SIRT5: variants seen among roughly 807,000 people sequenced by gnomAD.
SIRT5 encodes sirtuin 5, also known as NAD-dependent protein deacylase sirtuin-5, mitochondrial.
SIRT5 carries 26 observed loss-of-function variants against 40.0 expected under a neutral mutation model. That is an observed-to-expected ratio of 0.65 (90% confidence interval 0.48 to 0.90). The LOEUF is 0.90. SIRT5 is among the 40% of genes least tolerant of loss of function. SIRT5 has a pLI of 0.00. For synonymous variants in SIRT5, 146 were observed against 149.1 expected (o/e 0.98, Z 0.15); for missense variants, 401 against 402.4 (o/e 1.00, Z 0.03).
In SIRT5 at chr6:13,614,979, C is replaced by A; in HGVS notation, c.*3114C>A. 1 of 212,404 alleles carries A rather than the reference C, an allele frequency of 4.7e-6. No homozygotes were observed. The highest frequency in any genetic ancestry group is 9.3e-6 in the Non-Finnish European group (1 of 106,986). The allele number at this position is 212,404 out of a possible 1,614,324, so 13.2% of individuals were successfully genotyped here. A position where few individuals can be genotyped will look rare whatever the true frequency, so the allele number is the denominator to read the frequency against. ...CTCGACGGAACCCAGGGCCAAAAAA[C>A]GGCGGCGAGCAGCGCCTCGGGCCCG... On this transcript the variant is annotated 3_prime_UTR_variant, in exon 10 of 10. Transcript: ENST00000606117.
At chr6:13,605,826 T>C in intron 9 of SIRT5, 1 of 985,488 alleles carries the variant, frequency 1.0e-6, no homozygotes, top group Non-Finnish European at 1.2e-6. Context: ...GGACTGTCGC[T>C]GCAGGGAGCT....
At chr6:13,575,448 G>C (rs1758488121) in intron 1 of SIRT5, among the ~76,000 whole-genome samples, 2 of 152,114 alleles carry the variant, frequency 1.3e-5, no homozygotes, top group South Asian at 4.2e-4. Context: ...TAGCTCTTAG[G>C]CGTTCAAAAA....
rs781683961 is a variant in SIRT5, at chr6:13,611,866, G to A, written c.*1G>A. On this transcript the variant is annotated 3_prime_UTR_variant, in exon 10 of 10. Transcript: ENST00000606117. ...TCATGAAAATGAAACTGTTTCTTAAGTGTCCTGGGGAAGAAAGAAATTACA... is the reference window on the plus strand; with the variant it reads ...TCATGAAAATGAAACTGTTTCTTAAATGTCCTGGGGAAGAAAGAAATTACA... 6.2e-7 allele frequency: 1 copy of A among 1,613,644 alleles called. No homozygotes were observed.
At chr6:13,582,045 A>G (rs1452611702) in intron 2 of SIRT5, among the ~76,000 whole-genome samples, 4 of 152,138 alleles carry the variant, frequency 2.6e-5, no homozygotes, top group Non-Finnish European at 5.9e-5. Context: ...CACAAGCACA[A>G]ATCCTCTAAT....
At chr6:13,578,447 C>T (rs1291310473) in intron 1 of SIRT5, among the ~76,000 whole-genome samples, 4 of 151,630 alleles carry the variant, frequency 2.6e-5, no homozygotes, top group Non-Finnish European at 5.9e-5. Flanking sequence ...GGTGAAACCC[C>T]GTCTCTACTA....
At chr6:13,577,638 GTC>G (rs747891615) in intron 1 of SIRT5, among the ~76,000 whole-genome samples, 8 of 148,086 alleles carry the variant, frequency 5.4e-5, no homozygotes, top group Non-Finnish European at 1.0e-4. Context: ...TATCTTATAT[GTC>G]TCTCTATATT....
At chr6:13,604,360 C>A in intron 9 of SIRT5, 1 of 767,288 alleles carries the variant, frequency 1.3e-6, no homozygotes, top group Admixed American at 2.3e-5. Flanking sequence ...CAGCTCAAGC[C>A]TCCTGTCTGT....
At chr6:13,587,699 C>G (rs1354947191) in intron 3 of SIRT5, among the ~76,000 whole-genome samples, 1 of 152,208 alleles carries the variant, frequency 6.6e-6, no homozygotes, top group Non-Finnish European at 1.5e-5. Flanking sequence ...CTTCAGTTCC[C>G]TTTGCTACCC....
intron 9 of SIRT5, among the ~76,000 whole-genome samples, chr6:13,601,943 T>C (rs1192504932): frequency 1.3e-5 from 2 of 152,196 alleles, no homozygotes; most frequent in East Asian, 3.8e-4. Flanking sequence ...CATGTGTCTT[T>C]TTGATCAGCT....
At chr6:13,582,099 C>T (rs558855187) in intron 2 of SIRT5, among the ~76,000 whole-genome samples, 1 of 152,306 alleles carries the variant, frequency 6.6e-6, no homozygotes, top group East Asian at 1.9e-4. Flanking sequence ...TTCTTCATGG[C>T]GTGTTCTATC....
In SIRT5 at chr6:13,604,478, A is replaced by T. The variant is rs41273886; in HGVS notation, c.857+3529A>T. On this transcript the variant is annotated intron_variant, in intron 9 of 9. Transcript: ENST00000606117. ...CTTCTAATGTGGTTTCTTTTCAGTC[A>T]TTTGATCTCCATCTCATCTCTAATT... The T allele has an allele frequency of 0.018, 27,334 of 1,554,208 alleles. 327 individuals are homozygous for T. The highest frequency in any genetic ancestry group is 0.02 in the Non-Finnish European group (22,264 of 1,128,738).
chr6:13,605,698 C>T (rs1359863202), intron 9 of SIRT5: 1 of 985,426 alleles, frequency 1.0e-6, no homozygotes, highest in African/African-American at 1.7e-5. Context: ...TTCTGATAAA[C>T]CCTGACTATT....
chr6:13,595,711 G>A, intron 6 of SIRT5, 147 bp downstream of exon 6: 1 of 687,496 alleles, frequency 1.5e-6, no homozygotes, highest in Non-Finnish European at 2.5e-6. Context: ...AGTGGCTCAT[G>A]CCTGTAATCC....
intron 9 of SIRT5, among the ~76,000 whole-genome samples, chr6:13,602,048 C>T (rs1762462381): frequency 1.3e-5 from 2 of 152,032 alleles, no homozygotes; most frequent in South Asian, 4.1e-4. Flanking sequence ...CTATGCAAAA[C>T]TTATACTCTG....
In SIRT5 at chr6:13,613,053, A is replaced by C. The variant is rs1351339875; in HGVS notation, c.*1188A>C. ...CAAAGAAGAGACCTGGAGCTAGTGA[A>C]GGAAACATAGGGTTTATTTGGGGAA... On this transcript the variant is annotated 3_prime_UTR_variant, in exon 10 of 10. Coordinates refer to ENST00000606117, the MANE Select transcript of SIRT5 (RefSeq NM_012241.5). 4 of 152,494 alleles carry C rather than the reference A, an allele frequency of 2.6e-5. No individual in the cohort carries two copies. The highest frequency in any genetic ancestry group is 9.6e-5 in the African/African-American group (4 of 41,466). The allele number at this position is 152,494 out of a possible 1,614,324, so 9.4% of individuals were successfully genotyped here. A position where few individuals can be genotyped will look rare whatever the true frequency, so the allele number is the denominator to read the frequency against.
intron 7 of SIRT5, 47 bp downstream of exon 7, chr6:13,597,063 C>CAA (rs544321733): frequency 4.7e-4 from 503 of 1,075,526 alleles, no homozygotes; most frequent in African/African-American, 6.5e-4. Flanking sequence ...GTTACCAAAA[C>CAA]AAAAAAAAAA....
intron 9 of SIRT5, among the ~76,000 whole-genome samples, chr6:13,611,385 C>T (rs1763905959): frequency 1.3e-5 from 2 of 151,318 alleles, no homozygotes; most frequent in Admixed American, 6.6e-5. Context: ...ATATAACACA[C>T]ATACATGTAT....
intron 7 of SIRT5, among the ~76,000 whole-genome samples, chr6:13,597,442 A>G (rs1027674999): frequency 6.6e-6 from 1 of 151,126 alleles, no homozygotes. Context: ...TTAAAAAAAA[A>G]AAAAAAAAAA....
At chr6:13,585,937 A>G (rs1446617427) in intron 3 of SIRT5, among the ~76,000 whole-genome samples, 1 of 152,144 alleles carries the variant, frequency 6.6e-6, no homozygotes, top group Non-Finnish European at 1.5e-5. Flanking sequence ...TCGCCATTCT[A>G]ACTGGTGTGA....
Sources: gnomAD v4.1 joint callset for allele counts (sites outside exome capture counted in the v4.1 genomes callset) on GRCh38, gnomAD v4.1.1 for gene constraint, MANE v1.5 for transcripts, NCBI Gene and HGNC (gene_info 2026-07-23, HGNC 2026-07-21) for gene names.